The following SHISA9 variants were observed in gnomAD, a reference collection of about 807,000 sequenced individuals.
The protein encoded by SHISA9 is shisa family member 9.
Under a neutral mutation model 38.0 loss-of-function variants are expected in SHISA9, and 13 were observed. The ratio of observed to expected loss-of-function variants is 0.34; its 90% CI spans 0.22 to 0.54. The LOEUF is 0.54. Ranked by LOEUF, SHISA9 falls within the 20% of genes least tolerant of loss-of-function variation. The pLI, the probability that SHISA9 is intolerant of heterozygous loss-of-function variation, is 0.91. For synonymous variants in SHISA9, 275 were observed against 242.0 expected (o/e 1.14, Z -1.27); for missense variants, 538 against 575.8 (o/e 0.93, Z 0.67).
intron 2 of SHISA9, among the ~76,000 whole-genome samples, chr16:13,031,972 T>C (rs1425579949): frequency 2.6e-5 from 4 of 151,732 alleles, no homozygotes; most frequent in Non-Finnish European, 4.4e-5. Context: ...CCCACCCACA[T>C]CTGGTGTTGC....
chr16:13,368,732 T>C, the SHISA9 span, among the ~76,000 whole-genome samples: 7 of 94,144 alleles, frequency 7.4e-5, no homozygotes, highest in African/African-American at 2.9e-4. Flanking sequence ...CAAGGCAAGA[T>C]ATGTGCAAAA....
At chr16:13,148,545 G>A (rs1310717357) in intron 2 of SHISA9, among the ~76,000 whole-genome samples, 7 of 151,908 alleles carry the variant, frequency 4.6e-5, no homozygotes, top group Admixed American at 2.0e-4. Context: ...GCAAACCACA[G>A]TCCACATTCA....
In SHISA9 at chr16:12,935,855, A is replaced by AG. The variant is rs1030383681; in HGVS notation, c.691+19040_691+19041insG. 7.9e-4 allele frequency among the ~76,000 whole-genome samples: 5 copies of AG among 6,368 alleles called. No individual in the cohort carries two copies. In the African/African-American group the frequency reaches 0.018, roughly 23 times the overall value. The allele number at this position is 6,368 out of a possible 152,430, so 4.2% of individuals were successfully genotyped here. Reference sequence around the variant, plus strand: ...CAGAACAAGAGCCTGTCTCAAAAAGAAAAAAAAAAAAAAGAAGGGACATAT... The same window carrying AG: ...CAGAACAAGAGCCTGTCTCAAAAAGAGAAAAAAAAAAAAAGAAGGGACATAT... On this transcript the variant is annotated intron_variant, in intron 2 of 4. Coordinates refer to ENST00000558583, the MANE Select transcript of SHISA9 (RefSeq NM_001145204.3).
At chr16:13,031,103 CA>C (rs1210077148) in intron 2 of SHISA9, among the ~76,000 whole-genome samples, 1 of 152,168 alleles carries the variant, frequency 6.6e-6, no homozygotes, top group Non-Finnish European at 1.5e-5. Flanking sequence ...ATGGCCAAAC[CA>C]GGTCCCGCGG....
intron 1 of SHISA9, chr16:12,910,101 C>T (rs1257655283): frequency 6.6e-6 from 1 of 152,268 alleles, no homozygotes; most frequent in Non-Finnish European, 1.5e-5. Context: ...AAGTGATCCA[C>T]CTGTCTCGGC....
At chr16:13,049,899 G>T (rs2073231460) in intron 2 of SHISA9, among the ~76,000 whole-genome samples, 1 of 151,828 alleles carries the variant, frequency 6.6e-6, no homozygotes, top group Non-Finnish European at 1.5e-5. Context: ...CCCACTCCTG[G>T]TACTTTTCCG....
intron 2 of SHISA9, among the ~76,000 whole-genome samples, chr16:13,055,118 A>G (rs2073295447): frequency 6.6e-6 from 1 of 152,102 alleles, no homozygotes; most frequent in Non-Finnish European, 1.5e-5. Flanking sequence ...ACACTCTTAG[A>G]ATTTGTTCTG....
At chr16:12,934,883 T>C (rs889103853) in intron 2 of SHISA9, among the ~76,000 whole-genome samples, 3 of 152,142 alleles carry the variant, frequency 2.0e-5, no homozygotes, top group African/African-American at 7.2e-5. Context: ...AAAAGGGAAA[T>C]CTTTTGAAGA....
chr16:13,483,862 T>G, the SHISA9 span, among the ~76,000 whole-genome samples: 1 of 152,152 alleles, frequency 6.6e-6, no homozygotes, highest in Non-Finnish European at 1.5e-5. Context: ...ACCCTACACA[T>G]CTCTTCATTT....
intron 2 of SHISA9, among the ~76,000 whole-genome samples, chr16:13,181,312 T>TATATATATAC (rs1555468744): frequency 5.9e-5 from 2 of 34,100 alleles, no homozygotes; most frequent in Non-Finnish European, 1.1e-4. Flanking sequence ...TATATATATA[T>TATATATATAC]ACACACACAC....
intron 4 of SHISA9, among the ~76,000 whole-genome samples, chr16:13,233,457 C>A (rs2051351594): frequency 6.6e-6 from 1 of 152,184 alleles, no homozygotes; most frequent in African/African-American, 2.4e-5. Flanking sequence ...AATAATTCTA[C>A]TTTTTATAAT....
chr16:13,372,907 A>G, the SHISA9 span, among the ~76,000 whole-genome samples: 1 of 89,066 alleles, frequency 1.1e-5, no homozygotes, highest in Non-Finnish European at 2.3e-5. Context: ...TGAAATTTTA[A>G]TGACATAGAT....
chr16:13,049,793 C>T (rs1007484620), intron 2 of SHISA9, among the ~76,000 whole-genome samples: 1 of 152,024 alleles, frequency 6.6e-6, no homozygotes, highest in Non-Finnish European at 1.5e-5. Flanking sequence ...ACTTATGCTT[C>T]CAGATGATTC....
chr16:13,068,403 G>T (rs968197163), intron 2 of SHISA9, among the ~76,000 whole-genome samples: 1 of 152,216 alleles, frequency 6.6e-6, no homozygotes, highest in Non-Finnish European at 1.5e-5. Context: ...AAAAGGGTGT[G>T]TGAACACCCA....
chr16:13,514,556 A>G, the SHISA9 span, among the ~76,000 whole-genome samples: 14 of 152,196 alleles, frequency 9.2e-5, no homozygotes, highest in African/African-American at 3.4e-4. Flanking sequence ...TCCAGAGGTT[A>G]AAATTACACA....
At chr16:13,229,762 C>A (rs565300707) in intron 4 of SHISA9, among the ~76,000 whole-genome samples, 1 of 152,126 alleles carries the variant, frequency 6.6e-6, no homozygotes, top group South Asian at 2.1e-4. Flanking sequence ...TATAAAACAG[C>A]GTAGTCAGTG....
At chr16:13,541,585 C>G in the SHISA9 span, among the ~76,000 whole-genome samples, 2 of 152,196 alleles carry the variant, frequency 1.3e-5, no homozygotes, top group African/African-American at 4.8e-5. Flanking sequence ...TTAAATGACT[C>G]TTCTAAGAAA....
chr16:13,246,533 G>A, the SHISA9 span: 5 of 152,162 alleles, frequency 3.3e-5, no homozygotes, highest in African/African-American at 1.2e-4. Flanking sequence ...AATGCTAATA[G>A]CAACAACTTC....
the SHISA9 span, among the ~76,000 whole-genome samples, chr16:13,257,470 C>T: frequency 8.5e-5 from 13 of 152,274 alleles, no homozygotes; most frequent in East Asian, 5.8e-4. Flanking sequence ...ATACTGTCTA[C>T]GCTCATTCAT....
Sources: allele counts gnomAD v4.1 joint callset (sites outside exome capture counted in the v4.1 genomes callset), GRCh38; gene constraint gnomAD v4.1.1; transcripts MANE v1.5; gene names NCBI Gene and HGNC (gene_info 2026-07-23, HGNC 2026-07-21).